The following NHSL1 variants were observed in gnomAD, a reference collection of about 807,000 sequenced individuals.
The protein encoded by NHSL1 is NHS like 1, also known as NHS-like protein 1.
In NHSL1, 48 loss-of-function variants were observed where a neutral mutation model predicts 95.0. The ratio of observed to expected loss-of-function variants is 0.51; its 90% CI spans 0.40 to 0.64. NHSL1 has a LOEUF of 0.64. Ranked by LOEUF, NHSL1 falls within the 30% of genes least tolerant of loss-of-function variation. NHSL1 has a pLI of 0.00. For synonymous variants in NHSL1, 783 were observed against 833.9 expected (o/e 0.94, Z 1.05); for missense variants, 1,971 against 2,077.7 (o/e 0.95, Z 1.00).
chr6:138,625,229 GC>G (rs1784720772), intron 1 of NHSL1, among the ~76,000 whole-genome samples: 1 of 151,858 alleles, frequency 6.6e-6, no homozygotes, highest in Non-Finnish European at 1.5e-5. Flanking sequence ...TGCAACCTCC[GC>G]CTCCCAGGTT....
intron 1 of NHSL1, among the ~76,000 whole-genome samples, chr6:138,496,974 C>T (rs1343811837): frequency 6.6e-6 from 1 of 152,204 alleles, no homozygotes; most frequent in Non-Finnish European, 1.5e-5. Context: ...CTCTGCATTT[C>T]TTGCTTTCAT....
chr6:138,548,266 G>A (rs1230537849), upstream of NHSL1, among the ~76,000 whole-genome samples: 3 of 152,174 alleles, frequency 2.0e-5, no homozygotes, highest in African/African-American at 4.8e-5. Flanking sequence ...TTACAGGCGT[G>A]AGCCACTGCA....
chr6:138,670,978 T>A (rs995205164), intron 1 of NHSL1, among the ~76,000 whole-genome samples: 3 of 151,864 alleles, frequency 2.0e-5, no homozygotes, highest in Non-Finnish European at 2.9e-5. Context: ...GTGAGACTCC[T>A]ACCTCTACAA....
intron 1 of NHSL1, among the ~76,000 whole-genome samples, chr6:138,685,607 T>C (rs1785575280): frequency 6.6e-6 from 1 of 151,992 alleles, no homozygotes; most frequent in African/African-American, 2.4e-5. Context: ...TCCCAGTACT[T>C]TGAGAGGCCA....
chr6:138,605,011 T>C (rs556980404), intron 1 of NHSL1, among the ~76,000 whole-genome samples: 7 of 152,208 alleles, frequency 4.6e-5, no homozygotes, highest in Non-Finnish European at 1.0e-4. Flanking sequence ...TACTTTTCTT[T>C]TACCTTTTCT....
At chr6:138,607,032 T>C (rs78605884) in intron 1 of NHSL1, among the ~76,000 whole-genome samples, 4,673 of 152,188 alleles carry the variant, frequency 0.031, 207 homozygotes, top group African/African-American at 0.1. Flanking sequence ...TCAGCTAAGA[T>C]AGGACATCCT....
intron 1 of NHSL1, among the ~76,000 whole-genome samples, chr6:138,589,754 C>T (rs1366353950): frequency 6.6e-6 from 1 of 152,030 alleles, no homozygotes; most frequent in Admixed American, 6.6e-5. Context: ...CTGCTGACAA[C>T]CTCTGATCCT....
At chr6:138,637,609 T>C (rs574887569) in intron 1 of NHSL1, among the ~76,000 whole-genome samples, 3 of 152,230 alleles carry the variant, frequency 2.0e-5, no homozygotes, top group African/African-American at 7.2e-5. Context: ...TGCAAATGGC[T>C]AACAGGCATA....
intron 1 of NHSL1, among the ~76,000 whole-genome samples, chr6:138,569,374 T>C (rs969380996): frequency 1.3e-5 from 2 of 152,066 alleles, no homozygotes; most frequent in Non-Finnish European, 2.9e-5. Context: ...AAAATGTTAA[T>C]GTAAGTTAGG....
At chr6:138,548,705 T>G (rs969292457), upstream of NHSL1, among the ~76,000 whole-genome samples, 10 of 152,194 alleles carry the variant, frequency 6.6e-5, no homozygotes, top group Non-Finnish European at 1.3e-4. Context: ...ATTTTTTATT[T>G]TTGGTATGAA....
intron 2 of NHSL1, among the ~76,000 whole-genome samples, chr6:138,494,837 C>G (rs1477156400): frequency 1.3e-5 from 2 of 152,170 alleles, no homozygotes; most frequent in African/African-American, 2.4e-5. Flanking sequence ...GTTTGTTGTA[C>G]TAAGAAAAAG....
At chr6:138,515,784 G>A (rs1781433995) in intron 1 of NHSL1, among the ~76,000 whole-genome samples, 1 of 152,248 alleles carries the variant, frequency 6.6e-6, no homozygotes, top group South Asian at 2.1e-4. Flanking sequence ...CGTAGCAGGT[G>A]ACATGTGAGC....
chr6:138,591,943 T>C (rs1447265964), intron 1 of NHSL1, among the ~76,000 whole-genome samples: 6 of 152,104 alleles, frequency 3.9e-5, no homozygotes, highest in African/African-American at 1.4e-4. Flanking sequence ...GATCCATGGT[T>C]TCAGGCATCC....
At chr6:138,635,679 GA>G (rs2114670492) in intron 1 of NHSL1, among the ~76,000 whole-genome samples, 1 of 152,120 alleles carries the variant, frequency 6.6e-6, no homozygotes, top group South Asian at 2.1e-4. Context: ...CTCATTCTAC[GA>G]AGCCAGTATT....
chr6:138,527,742 CAGAA>C (rs1781969790), intron 1 of NHSL1, among the ~76,000 whole-genome samples: 1 of 152,156 alleles, frequency 6.6e-6, no homozygotes, highest in African/African-American at 2.4e-5. Context: ...ACACACATGA[CAGAA>C]AGAAAAATAG....
At chr6:138,467,064 T>C (rs140536760) in intron 3 of NHSL1, among the ~76,000 whole-genome samples, 1 of 152,224 alleles carries the variant, frequency 6.6e-6, no homozygotes, top group Non-Finnish European at 1.5e-5. Flanking sequence ...CAATTATGCA[T>C]AATACATCAT....
rs572068515 is a variant in NHSL1 at position 138,567,525 on chromosome 6, A to G, written c.202+4185T>C. Among the ~76,000 whole-genome samples the G allele has an allele frequency of 3.9e-5, 6 of 152,270 alleles. No homozygotes were observed. In the South Asian group the frequency reaches 1.2e-3, roughly 32 times the overall value. ...GAAACAGGATCTTGACTTTTGACCT[A>G]GCTGCTTTTGGTTTTTCATGTCATT... On this transcript the variant is annotated intron_variant, in intron 1 of 6. Coordinates refer to the NHSL1 transcript ENST00000427025.
rs1197247805 is a variant in NHSL1 at position 138,588,029 on chromosome 6, G to A, written c.97-91658C>T. ...CTAGTGGTGATGCTCGCCCCTTGGC[G>A]GCAGGAATCACATCTCAGCAGTCTA... On this transcript the variant is annotated intron_variant, in intron 1 of 3. Transcript: ENST00000491526. Among the ~76,000 whole-genome samples the A allele has an allele frequency of 3.9e-5, 6 of 152,392 alleles. No homozygotes were observed. In the East Asian group the frequency reaches 5.8e-4, roughly 15 times the overall value.
intron 5 of NHSL1, among the ~76,000 whole-genome samples, chr6:138,434,269 T>C (rs1775918731): frequency 6.6e-6 from 1 of 152,196 alleles, no homozygotes; most frequent in African/African-American, 2.4e-5. Flanking sequence ...CCATTATCTG[T>C]CTGTTGGTGA....
Sources: allele counts gnomAD v4.1 joint callset (sites outside exome capture counted in the v4.1 genomes callset), GRCh38; gene constraint gnomAD v4.1.1; transcripts MANE v1.5; gene names NCBI Gene and HGNC (gene_info 2026-07-23, HGNC 2026-07-21).